The following SLC35F1 variants were observed in gnomAD, a reference collection of about 807,000 sequenced individuals.
The protein encoded by SLC35F1 is chromosome 6 open reading frame 169.
SLC35F1 carries 14 observed loss-of-function variants against 48.7 expected under a neutral mutation model. That is an observed-to-expected ratio of 0.29 (90% CI 0.19 to 0.45). The LOEUF is 0.45. SLC35F1 is among the 20% of genes least tolerant of loss of function. The probability of loss-of-function intolerance (pLI) is 1.00; values close to 1 mark genes in which losing one functional copy is unlikely to be tolerated. For missense variants in SLC35F1, 404 were observed against 500.0 expected (o/e 0.81, Z 1.83); for synonymous variants, 190 against 202.2 (o/e 0.94, Z 0.51).
At chr6:118,213,790 A>G (rs12111300) in intron 2 of SLC35F1, among the ~76,000 whole-genome samples, 5,333 of 152,312 alleles carry the variant, frequency 0.035, 319 homozygotes, top group African/African-American at 0.12. Context: ...CTAGATATGC[A>G]TACATATGCA....
At chr6:118,031,645 A>G (rs1157291564) in intron 1 of SLC35F1, among the ~76,000 whole-genome samples, 1 of 152,208 alleles carries the variant, frequency 6.6e-6, no homozygotes, top group Admixed American at 6.5e-5. Context: ...GGCTTTATTG[A>G]AGCGACAGTG....
intron 3 of SLC35F1, among the ~76,000 whole-genome samples, chr6:118,256,153 C>G (rs915284708): frequency 4.6e-5 from 7 of 151,840 alleles, no homozygotes; most frequent in Middle Eastern, 3.4e-3. Context: ...GTATGTTCCA[C>G]AAAATATTTT....
chr6:117,932,996 G>A (rs1025358505), intron 1 of SLC35F1, among the ~76,000 whole-genome samples: 6 of 152,194 alleles, frequency 3.9e-5, no homozygotes, highest in Non-Finnish European at 7.3e-5. Flanking sequence ...AAACTGTAAG[G>A]ATAAGCTCAC....
chr6:118,284,926 G>A (rs1000831283), intron 6 of SLC35F1, among the ~76,000 whole-genome samples: 8 of 152,126 alleles, frequency 5.3e-5, no homozygotes, highest in African/African-American at 1.7e-4. Context: ...CCACTAAGAG[G>A]CACTCCTTCC....
intron 1 of SLC35F1, among the ~76,000 whole-genome samples, chr6:118,053,016 G>A (rs1411220487): frequency 3.3e-5 from 5 of 151,822 alleles, no homozygotes; most frequent in Admixed American, 6.6e-5. Context: ...ACTTTGATGA[G>A]GTGTTCCAGG....
chr6:118,246,764 T>C (rs1474668785), intron 3 of SLC35F1, among the ~76,000 whole-genome samples: 1 of 152,178 alleles, frequency 6.6e-6, no homozygotes, highest in African/African-American at 2.4e-5. Flanking sequence ...AAATGTAAGA[T>C]TGTATTTGAT....
At position 118,224,819 on chromosome 6, in the gene SLC35F1, G is replaced by GT. The variant is rs147064807; in HGVS notation, c.350-10684dup. On this transcript the variant is annotated intron_variant, in intron 2 of 7. Transcript: ENST00000360388. ...CTAAAGTTTTTTGGTGGAGTCTCTA[G>GT]TTTTTTCTAAATATAAGATCATATC... is the stretch of plus-strand genomic sequence containing the variant. 9.0e-3 allele frequency among the ~76,000 whole-genome samples: 1,372 copies of GT among 152,186 alleles called. 22 individuals carry two copies. The highest frequency in any genetic ancestry group is 0.031 in the African/African-American group (1,285 of 41,526).
intron 3 of SLC35F1, among the ~76,000 whole-genome samples, chr6:118,255,320 T>G (rs1287808596): frequency 6.6e-6 from 1 of 152,202 alleles, no homozygotes; most frequent in Non-Finnish European, 1.5e-5. Flanking sequence ...TGGCATATAG[T>G]AGGCACTCAG....
chr6:118,207,574 T>G (rs1582729948), intron 2 of SLC35F1, among the ~76,000 whole-genome samples: 1 of 152,246 alleles, frequency 6.6e-6, no homozygotes, highest in Non-Finnish European at 1.5e-5. Context: ...GGAAAGAAAC[T>G]TGGGCTGGGG....
At chr6:118,233,223 C>T (rs1055893122) in intron 2 of SLC35F1, among the ~76,000 whole-genome samples, 1 of 152,216 alleles carries the variant, frequency 6.6e-6, no homozygotes, top group African/African-American at 2.4e-5. Flanking sequence ...CCTCAGCCTC[C>T]CAAAGTGCTG....
intron 1 of SLC35F1, among the ~76,000 whole-genome samples, chr6:117,925,525 A>T (rs1397185802): frequency 1.3e-5 from 2 of 152,170 alleles, no homozygotes; most frequent in African/African-American, 4.8e-5. Context: ...CTGGATTGTC[A>T]TTATGTGGGA....
intron 1 of SLC35F1, among the ~76,000 whole-genome samples, chr6:118,010,731 A>C (rs1777233742): frequency 1.3e-5 from 2 of 152,174 alleles, no homozygotes. Flanking sequence ...TCTTTAACCA[A>C]TCTTGTTGTG....
At chr6:118,093,637 A>G (rs567231796) in intron 1 of SLC35F1, among the ~76,000 whole-genome samples, 2 of 152,370 alleles carry the variant, frequency 1.3e-5, no homozygotes, top group African/African-American at 4.8e-5. Context: ...CTTCCCAGCC[A>G]TGTGGAACTG....
chr6:118,107,704 A>G (rs1773344678), intron 1 of SLC35F1, among the ~76,000 whole-genome samples: 1 of 151,970 alleles, frequency 6.6e-6, no homozygotes, highest in African/African-American at 2.4e-5. Flanking sequence ...TAAGTTAGAA[A>G]TGTATCTACA....
Position 118,285,194 on chromosome 6 carries a change from C to T in SLC35F1, c.858C>T (p.Tyr286=), listed in dbSNP as rs1366906401. 9.3e-6 allele frequency: 15 copies of T among 1,613,672 alleles called. No individual in the cohort carries two copies. The highest frequency in any genetic ancestry group is 1.6e-4 in the Middle Eastern group (1 of 6,078). Reference sequence around the variant, plus strand: ...TTACTCTTCCCCCAGGACTGCTCTACGTTGGCTTTAGTGCCTGCATGTTTG... The same window carrying T: ...TTACTCTTCCCCCAGGACTGCTCTATGTTGGCTTTAGTGCCTGCATGTTTG... ...VPWDWQIGLL[Y]VGFSACMFGL... Residue 286 remains tyrosine, a synonymous_variant, in exon 7 of 8, where the codon TAC becomes TAT. Transcript: ENST00000360388.
chr6:118,298,877 A>G (rs1233650710), intron 7 of SLC35F1, among the ~76,000 whole-genome samples: 2 of 152,182 alleles, frequency 1.3e-5, no homozygotes, highest in Admixed American at 6.5e-5. Flanking sequence ...TTCTTTACTC[A>G]GAAATACTTT....
chr6:118,233,428 G>A (rs1045455180), intron 2 of SLC35F1, among the ~76,000 whole-genome samples: 4 of 152,208 alleles, frequency 2.6e-5, no homozygotes, highest in Non-Finnish European at 5.9e-5. Context: ...TGGCGGTGAA[G>A]AACTGACCTT....
intron 3 of SLC35F1, among the ~76,000 whole-genome samples, chr6:118,253,778 T>C (rs1775606107): frequency 6.6e-6 from 1 of 151,904 alleles, no homozygotes; most frequent in Non-Finnish European, 1.5e-5. Context: ...GCCAGGCAAT[T>C]TAGCCTTGGT....
intron 1 of SLC35F1, among the ~76,000 whole-genome samples, chr6:118,038,101 C>T (rs1317649069): frequency 1.3e-5 from 2 of 152,010 alleles, no homozygotes; most frequent in African/African-American, 4.8e-5. Flanking sequence ...ATTAACAAGC[C>T]CTTCTGCTAT....
Sources: allele counts gnomAD v4.1 joint callset (sites outside exome capture counted in the v4.1 genomes callset), GRCh38; gene constraint gnomAD v4.1.1; transcripts MANE v1.5; gene names NCBI Gene and HGNC (gene_info 2026-07-23, HGNC 2026-07-21).